STIM1: variants seen among roughly 807,000 people sequenced by gnomAD.
The protein encoded by STIM1 is stromal interaction molecule 1.
Under a neutral mutation model 74.7 loss-of-function variants are expected in STIM1, and 25 were observed. That is an observed-to-expected ratio of 0.33 (90% CI 0.24 to 0.47). The LOEUF (loss-of-function observed/expected upper bound fraction) is 0.47. STIM1 is among the 20% of genes least tolerant of loss of function. The pLI is 1.00. For missense variants in STIM1, 728 were observed against 920.8 expected (o/e 0.79, Z 2.71); for synonymous variants, 328 against 348.8 (o/e 0.94, Z 0.66).
intron 1 of STIM1, among the ~76,000 whole-genome samples, chr11:3,914,356 A>G (rs2092610466): frequency 6.6e-6 from 1 of 151,944 alleles, no homozygotes; most frequent in Non-Finnish European, 1.5e-5. Context: ...TACATACCAC[A>G]ATTTGTTTAT....
At chr11:3,865,137 A>G (rs1350711005) in intron 1 of STIM1, among the ~76,000 whole-genome samples, 2 of 152,236 alleles carry the variant, frequency 1.3e-5, no homozygotes, top group Non-Finnish European at 1.5e-5. Flanking sequence ...TCACAATGAC[A>G]GATGAAAAAC....
At chr11:3,932,874 A>G (rs946288294) in intron 1 of STIM1, among the ~76,000 whole-genome samples, 3 of 152,044 alleles carry the variant, frequency 2.0e-5, no homozygotes, top group African/African-American at 7.2e-5. Flanking sequence ...TGCCCTGTCT[A>G]TGGTATTTTT....
rs796817767 is a variant in STIM1 at position 4,053,735 on chromosome 11, T to TA, written c.386-1783dup. ...CCCTAGAACTTAAAGTATAATAAAA[T>TA]AAAAAAAAGAAAGAAAGAAAAACCA... On this transcript the variant is annotated intron_variant, in intron 3 of 12. Coordinates refer to ENST00000526596, the MANE Select transcript of STIM1 (RefSeq NM_001382567.1). Among the ~76,000 whole-genome samples the TA allele has an allele frequency of 7.4e-4, 107 of 144,224 alleles. 1 individual carries two copies. Among genetic ancestry groups the TA allele is most frequent in the African/African-American group, 2.6e-3 (100 of 38,994 alleles). 94.6% of individuals were successfully genotyped at this position (144,224 alleles called of 152,430 possible).
At chr11:4,009,771 C>G (rs2093818065) in intron 2 of STIM1, among the ~76,000 whole-genome samples, 1 of 152,132 alleles carries the variant, frequency 6.6e-6, no homozygotes, top group African/African-American at 2.4e-5. Flanking sequence ...CCTTAAGCCA[C>G]TCCTGTATAA....
At chr11:4,027,482 T>A (rs549351899) in intron 3 of STIM1, among the ~76,000 whole-genome samples, 6 of 152,134 alleles carry the variant, frequency 3.9e-5, no homozygotes, top group Admixed American at 3.9e-4. Flanking sequence ...CAGCTAATTT[T>A]TGTATTTTTA....
chr11:4,004,608 C>T (rs1185674729), intron 2 of STIM1, among the ~76,000 whole-genome samples: 1 of 150,784 alleles, frequency 6.6e-6, no homozygotes, highest in African/African-American at 2.4e-5. Flanking sequence ...AAGACTTAAA[C>T]GTTAGACCTA....
At chr11:4,065,710 A>G (rs959236879) in intron 5 of STIM1, among the ~76,000 whole-genome samples, 2 of 152,114 alleles carry the variant, frequency 1.3e-5, no homozygotes, top group Non-Finnish European at 2.9e-5. Context: ...GAGAAATGCT[A>G]TCTATGGAGT....
intron 2 of STIM1, among the ~76,000 whole-genome samples, chr11:3,976,328 A>G (rs2093448297): frequency 1.3e-5 from 2 of 152,224 alleles, no homozygotes; most frequent in South Asian, 4.1e-4. Context: ...CATTCTGAGA[A>G]AGGCAAAACT....
At chr11:3,986,401 T>A (rs2093558615) in intron 2 of STIM1, among the ~76,000 whole-genome samples, 2 of 152,134 alleles carry the variant, frequency 1.3e-5, no homozygotes, top group Non-Finnish European at 2.9e-5. Context: ...GTGGTTCTTT[T>A]AACTTGAGCA....
chr11:3,936,946 T>C (rs1308841361), intron 1 of STIM1, among the ~76,000 whole-genome samples: 5 of 152,172 alleles, frequency 3.3e-5, no homozygotes, highest in Admixed American at 1.3e-4. Flanking sequence ...GTACAGTGAA[T>C]ATGACATATC....
chr11:3,877,751 G>C lies in STIM1; in HGVS notation c.139+21342G>C, dbSNP rs538803695. Among the ~76,000 whole-genome samples the C allele has an allele frequency of 2.0e-5, 3 of 152,266 alleles. 1 individual carries two copies. Among genetic ancestry groups the C allele is most frequent in the African/African-American group, 7.2e-5 (3 of 41,538 alleles). On this transcript the variant is annotated intron_variant, in intron 1 of 12. Coordinates refer to ENST00000526596, the MANE Select transcript of STIM1 (RefSeq NM_001382567.1). ...CCCAGAACTGTTGGGAGTTGCAGCA[G>C]GTTTGCCTGCCCTTGTCATATATGC... is the stretch of plus-strand genomic sequence containing the variant.
chr11:3,920,212 C>T (rs1039935068), intron 1 of STIM1, among the ~76,000 whole-genome samples: 1 of 152,038 alleles, frequency 6.6e-6, no homozygotes, highest in Non-Finnish European at 1.5e-5. Flanking sequence ...CTTTCTGCCT[C>T]AGCCTCCTAA....
At chr11:4,066,337 C>T (rs2094365276) in intron 5 of STIM1, among the ~76,000 whole-genome samples, 1 of 152,164 alleles carries the variant, frequency 6.6e-6, no homozygotes, top group South Asian at 2.1e-4. Flanking sequence ...TTTTTGTCTC[C>T]AGGAGCTGGC....
At chr11:3,864,154 C>G (rs1402068523) in intron 1 of STIM1, among the ~76,000 whole-genome samples, 1 of 152,190 alleles carries the variant, frequency 6.6e-6, no homozygotes, top group East Asian at 1.9e-4. Flanking sequence ...AATATTTGAC[C>G]TCAGCTCCAG....
At chr11:4,087,631 A>C (rs2094501457) in intron 12 of STIM1, among the ~76,000 whole-genome samples, 1 of 152,142 alleles carries the variant, frequency 6.6e-6, no homozygotes, top group Non-Finnish European at 1.5e-5. Flanking sequence ...AAAGTGAATC[A>C]GTCACATTTG....
intron 2 of STIM1, among the ~76,000 whole-genome samples, chr11:3,991,966 A>G (rs1286757021): frequency 4.7e-5 from 5 of 106,868 alleles, no homozygotes; most frequent in South Asian, 3.5e-4. Context: ...AAAAAAAAAA[A>G]AAAAAAGAAA....
intron 1 of STIM1, among the ~76,000 whole-genome samples, chr11:3,900,352 C>G (rs1442464503): frequency 1.3e-5 from 2 of 152,178 alleles, no homozygotes; most frequent in Admixed American, 1.3e-4. Context: ...CTTTCTTTGA[C>G]TAGGAAAGGG....
intron 3 of STIM1, among the ~76,000 whole-genome samples, chr11:4,035,587 A>G (rs2094092976): frequency 6.6e-6 from 1 of 151,916 alleles, no homozygotes; most frequent in Non-Finnish European, 1.5e-5. Context: ...TCTTTAGTTC[A>G]CAAGTTATTT....
chr11:3,979,985 A>C (rs1432689686), intron 2 of STIM1, among the ~76,000 whole-genome samples: 1 of 151,986 alleles, frequency 6.6e-6, no homozygotes, highest in Non-Finnish European at 1.5e-5. Flanking sequence ...ATTCCTACTG[A>C]TCTTCCTCAT....
Sources: gnomAD v4.1 joint callset for allele counts (sites outside exome capture counted in the v4.1 genomes callset) on GRCh38, gnomAD v4.1.1 for gene constraint, MANE v1.5 for transcripts, NCBI Gene and HGNC (gene_info 2026-07-23, HGNC 2026-07-21) for gene names.